DNM3: variants seen among roughly 807,000 people sequenced by gnomAD.
DNM3 encodes the protein dynamin 3, also known as dynamin-3.
In DNM3, 47 loss-of-function variants were observed where a neutral mutation model predicts 101.6. The ratio of observed to expected loss-of-function variants is 0.46; its 90% CI spans 0.37 to 0.59. The LOEUF (loss-of-function observed/expected upper bound fraction) is 0.59, where lower values mean the gene tolerates loss of function less well. Ranked by LOEUF, DNM3 falls within the 20% of genes least tolerant of loss-of-function variation. The pLI, the probability that DNM3 is intolerant of heterozygous loss-of-function variation, is 0.00. For synonymous variants in DNM3, 385 were observed against 387.9 expected (o/e 0.99, Z 0.09); for missense variants, 849 against 1,085.7 (o/e 0.78, Z 3.06).
chr1:172,292,842 C>T (rs2757487), intron 15 of DNM3, among the ~76,000 whole-genome samples: 15,265 of 152,070 alleles, frequency 0.1, 1,063 homozygotes, highest in African/African-American at 0.2. Context: ...ACATTTAAGA[C>T]CCTCCCAAAA....
At chr1:171,860,941 G>C (rs909581154) in intron 1 of DNM3, among the ~76,000 whole-genome samples, 1 of 152,116 alleles carries the variant, frequency 6.6e-6, no homozygotes, top group Admixed American at 6.6e-5. Flanking sequence ...GGGCATGTTA[G>C]AGCCTGTAAG....
chr1:171,873,303 C>T (rs1389451932), intron 1 of DNM3, among the ~76,000 whole-genome samples: 1 of 152,012 alleles, frequency 6.6e-6, no homozygotes, highest in Non-Finnish European at 1.5e-5. Context: ...TAAATGTTAG[C>T]TATAAAATAT....
chr1:172,387,519 C>A (rs572998187), intron 19 of DNM3, among the ~76,000 whole-genome samples, 160 bp downstream of exon 19: 27 of 152,050 alleles, frequency 1.8e-4, no homozygotes, highest in African/African-American at 6.3e-4. Flanking sequence ...ATTAGCCGGG[C>A]GTGGTGGCGG....
At chr1:171,853,064 A>T (rs1243104328) in intron 1 of DNM3, among the ~76,000 whole-genome samples, 1 of 152,148 alleles carries the variant, frequency 6.6e-6, no homozygotes, top group Non-Finnish European at 1.5e-5. Flanking sequence ...AAAAATCATT[A>T]TGCCTGTCAT....
chr1:171,971,687 G>A (rs1226456462), intron 2 of DNM3, among the ~76,000 whole-genome samples: 1 of 152,086 alleles, frequency 6.6e-6, no homozygotes, highest in East Asian at 1.9e-4. Context: ...GAAGCACAAT[G>A]TGTAATTGAA....
In DNM3 at chr1:172,118,221, G is replaced by A. The variant is rs887746747; in HGVS notation, c.1546-12954G>A. 2.6e-5 allele frequency among the ~76,000 whole-genome samples: 4 copies of A among 152,174 alleles called. No homozygotes were observed. The East Asian group carries it at 5.8e-4, about 22-fold the overall frequency. On this transcript the variant is annotated intron_variant, in intron 13 of 20. Coordinates refer to ENST00000627582, the MANE Select transcript of DNM3 (RefSeq NM_015569.5). ...CCCTAGAACATTAGTATTTATGGTA[G>A]TGGGTTCTCTATGAAGGATTGGCTA...
chr1:171,887,673 CA>C (rs963730122), intron 1 of DNM3, among the ~76,000 whole-genome samples: 5 of 151,546 alleles, frequency 3.3e-5, no homozygotes, highest in African/African-American at 7.3e-5. Context: ...TCACGTGGTT[CA>C]AAAAAATCTC....
At chr1:172,022,047 A>G (rs896603243) in intron 4 of DNM3, among the ~76,000 whole-genome samples, 1 of 152,172 alleles carries the variant, frequency 6.6e-6, no homozygotes, top group African/African-American at 2.4e-5. Context: ...ATCACTTGTA[A>G]ATTTTAGCTA....
intron 14 of DNM3, chr1:172,132,856 G>A: frequency 2.6e-6 from 2 of 777,026 alleles, no homozygotes; most frequent in Non-Finnish European, 4.5e-6. Context: ...TTTTAAAAAA[G>A]TCTTTTCTAC....
At chr1:171,902,617 C>CTTT (rs371573421) in intron 1 of DNM3, among the ~76,000 whole-genome samples, 1 of 147,904 alleles carries the variant, frequency 6.8e-6, no homozygotes, top group Non-Finnish European at 1.5e-5. Context: ...AGGCTTAAAT[C>CTTT]TTTTTTTTTT....
intron 14 of DNM3, among the ~76,000 whole-genome samples, chr1:172,182,356 T>C (rs1286553993): frequency 6.6e-6 from 1 of 152,076 alleles, no homozygotes. Context: ...TATGAGAAGC[T>C]AGAGGACAGG....
chr1:172,253,130 A>ATTTCTCAT (rs1243277433), intron 14 of DNM3, among the ~76,000 whole-genome samples: 1 of 152,142 alleles, frequency 6.6e-6, no homozygotes, highest in Non-Finnish European at 1.5e-5. Context: ...TCCATCTGGC[A>ATTTCTCAT]TTTCTCATTG....
chr1:171,880,368 A>G (rs1410294216), intron 1 of DNM3, among the ~76,000 whole-genome samples: 1 of 152,204 alleles, frequency 6.6e-6, no homozygotes, highest in Non-Finnish European at 1.5e-5. Context: ...ATCTCTATGT[A>G]TTTGTAGCTT....
chr1:172,075,179 T>A (rs1263068511), intron 11 of DNM3, among the ~76,000 whole-genome samples: 2 of 152,118 alleles, frequency 1.3e-5, no homozygotes, highest in Non-Finnish European at 2.9e-5. Flanking sequence ...TCTGGTAAAT[T>A]TGTATACGTT....
At chr1:172,320,034 A>G (rs548986683) in intron 16 of DNM3, among the ~76,000 whole-genome samples, 1 of 151,884 alleles carries the variant, frequency 6.6e-6, no homozygotes, top group African/African-American at 2.4e-5. Flanking sequence ...CATATACACC[A>G]TGGAATACTA....
intron 14 of DNM3, among the ~76,000 whole-genome samples, chr1:172,216,440 G>T (rs2060701600): frequency 6.6e-6 from 1 of 151,934 alleles, no homozygotes; most frequent in Non-Finnish European, 1.5e-5. Context: ...TTAAAAATAA[G>T]CAGAAATAAA....
At chr1:171,881,160 T>C (rs956635191) in intron 1 of DNM3, among the ~76,000 whole-genome samples, 1 of 152,198 alleles carries the variant, frequency 6.6e-6, no homozygotes, top group African/African-American at 2.4e-5. Context: ...TATTGATCTA[T>C]TTACTTTTTC....
chr1:171,993,592 C>T (rs1202630581), intron 4 of DNM3, among the ~76,000 whole-genome samples: 2 of 145,422 alleles, frequency 1.4e-5, no homozygotes, highest in Admixed American at 7.1e-5. Context: ...TGTTGACCTT[C>T]TTGGATGTGT....
chr1:172,296,108 A>T (rs1254520231), intron 15 of DNM3, among the ~76,000 whole-genome samples: 3 of 152,234 alleles, frequency 2.0e-5, no homozygotes, highest in Non-Finnish European at 2.9e-5. Flanking sequence ...ATTTATGCGT[A>T]TGAGATTCAT....
Sources: gnomAD v4.1 joint callset for allele counts (sites outside exome capture counted in the v4.1 genomes callset) on GRCh38, gnomAD v4.1.1 for gene constraint, MANE v1.5 for transcripts, NCBI Gene and HGNC (gene_info 2026-07-23, HGNC 2026-07-21) for gene names.